Variants in PHAX observed in about 807,000 individuals in gnomAD.
PHAX encodes phosphorylated adaptor for RNA export.
PHAX carries 31 observed loss-of-function variants against 41.6 expected under a neutral mutation model. The ratio of observed to expected loss-of-function variants is 0.75; its 90% CI spans 0.56 to 1.01. PHAX has a LOEUF of 1.01. PHAX is among the 50% of genes least tolerant of loss of function. The probability of loss-of-function intolerance (pLI) is 0.00; values close to 1 mark genes in which losing one functional copy is unlikely to be tolerated. For missense variants in PHAX, 453 were observed against 472.9 expected, an observed-to-expected ratio of 0.96 and a Z score of 0.39; for synonymous variants, 175 against 164.9, an observed-to-expected ratio of 1.06 and a Z score of -0.47.
intron 3 of PHAX, among the ~76,000 whole-genome samples, chr5:126,615,935 T>C (rs1384065043): frequency 1.3e-5 from 2 of 152,072 alleles, no homozygotes; most frequent in Non-Finnish European, 2.9e-5. Context: ...TGATTTATTA[T>C]ATATATACAT....
intron 3 of PHAX, among the ~76,000 whole-genome samples, chr5:126,616,472 A>G (rs1180321862): frequency 2.6e-5 from 4 of 152,122 alleles, no homozygotes; most frequent in Non-Finnish European, 4.4e-5. Flanking sequence ...AAATACCCAT[A>G]TATATTTGGC....
chr5:126,623,391 G>A (rs1029471195), intron 4 of PHAX, among the ~76,000 whole-genome samples: 91 of 152,272 alleles, frequency 6.0e-4, no homozygotes, highest in African/African-American at 2.2e-3. Context: ...TTCCACATCT[G>A]AAAACAAGGA....
At chr5:126,601,699 C>G (rs150305531) in intron 1 of PHAX, among the ~76,000 whole-genome samples, 147 of 152,290 alleles carry the variant, frequency 9.7e-4, no homozygotes, top group Non-Finnish European at 1.6e-3. Context: ...GGTGGTCTCA[C>G]GCTGTTGCCC....
At chr5:126,622,550 C>T (rs1048286705) in intron 4 of PHAX, among the ~76,000 whole-genome samples, 17 of 144,798 alleles carry the variant, frequency 1.2e-4, no homozygotes, top group Admixed American at 5.8e-4. Context: ...ACCTCGGCCT[C>T]CTGAAATGCT....
Position 126,601,061 on chromosome 5 carries a change from G to A in PHAX, c.96+3G>A. ...GCGACAGGCCGCTGCAATTGCCAGTGAGTGTGAAAGGAGGGTGGGTGATCG... is the reference window on the plus strand; with the variant it reads ...GCGACAGGCCGCTGCAATTGCCAGTAAGTGTGAAAGGAGGGTGGGTGATCG... On this transcript the variant is annotated splice_donor_region_variant and intron_variant, in intron 1 of 4. Transcript: ENST00000297540. The A allele has an allele frequency of 6.2e-7, 1 of 1,601,540 alleles. No individual in the cohort carries two copies. The highest frequency in any genetic ancestry group is 8.5e-7 in the Non-Finnish European group (1 of 1,172,472).
In PHAX at chr5:126,626,105, C is replaced by T. The variant is rs1161554611; in HGVS notation, c.*1261C>T. 1 of 151,836 alleles carries T rather than the reference C, an allele frequency of 6.6e-6. No individual in the cohort carries two copies. Among genetic ancestry groups the T allele is most frequent in the African/African-American group, 2.4e-5 (1 of 41,232 alleles). The allele number at this position is 151,836 out of a possible 1,614,324, so 9.4% of individuals were successfully genotyped here. On this transcript the variant is annotated 3_prime_UTR_variant, in exon 5 of 5. Coordinates refer to ENST00000297540, the MANE Select transcript of PHAX (RefSeq NM_032177.4). Reference sequence around the variant, plus strand: ...GCATTAAAAAATTTTTCAAGCTGGGCCTAGTGGCGCACACCTGCAATCCCA... The same window carrying T: ...GCATTAAAAAATTTTTCAAGCTGGGTCTAGTGGCGCACACCTGCAATCCCA...
intron 3 of PHAX, among the ~76,000 whole-genome samples, chr5:126,612,330 A>G (rs1409652874): frequency 6.6e-6 from 1 of 152,136 alleles, no homozygotes; most frequent in Non-Finnish European, 1.5e-5. Context: ...TCTAGTGGGA[A>G]CTTGTTTGCC....
At chr5:126,617,452 T>C (rs6883308) in intron 4 of PHAX, 119 bp downstream of exon 4, 121,793 of 562,932 alleles carry the variant, frequency 0.22, 16,392 homozygotes, top group African/African-American at 0.44. Context: ...GATTTTGTTA[T>C]TATCTTAAGT....
intron 3 of PHAX, among the ~76,000 whole-genome samples, chr5:126,614,828 C>T (rs1413437775): frequency 6.6e-6 from 1 of 152,090 alleles, no homozygotes; most frequent in African/African-American, 2.4e-5. Context: ...GCGATCTCGG[C>T]TTACTGCAAC....
At position 126,600,981 on chromosome 5, in the gene PHAX, G is replaced by C; in HGVS notation, c.19G>C (p.Asp7His). MALEVG[D>H]MEDGQLSDSD... The stretch of plus-strand genomic sequence containing the variant: ...CGGGAAGATGGCGTTGGAGGTCGGC[G>C]ATATGGAAGATGGGCAGCTTTCCGA... The change falls in exon 1 of 5, where the codon GAT (aspartate) becomes CAT (histidine). Residue 7 changes from aspartate to histidine, a missense_variant. Coordinates refer to ENST00000297540, the MANE Select transcript of PHAX (RefSeq NM_032177.4). 6.2e-7 allele frequency: 1 copy of C among 1,604,362 alleles called. No homozygotes were observed. The highest frequency in any genetic ancestry group is 8.5e-7 in the Non-Finnish European group (1 of 1,175,576).
chr5:126,624,663 A>G lies in PHAX; in HGVS notation c.1004A>G (p.Lys335Arg). The change falls in exon 5 of 5, where the codon AAA (lysine) becomes AGA (arginine). Residue 335 changes from lysine to arginine, a missense_variant. Coordinates refer to ENST00000297540, the MANE Select transcript of PHAX (RefSeq NM_032177.4). ...RRTQVLGKKM[K>R]QAIKSLNFQE... ...ACACAAGTGTTGGGGAAAAAGATGA[A>G]ACAAGCTATTAAAAGTCTAAATTTT... 6.2e-7 allele frequency: 1 copy of G among 1,614,070 alleles called. No homozygotes were observed. The highest frequency in any genetic ancestry group is 8.5e-7 in the Non-Finnish European group (1 of 1,179,930).
chr5:126,603,650 T>C lies in PHAX; in HGVS notation c.177T>C (p.Ala59=). 1 of 1,614,198 alleles carries C rather than the reference T, an allele frequency of 6.2e-7. No homozygotes were observed. The highest frequency in any genetic ancestry group is 2.2e-5 in the East Asian group (1 of 44,888). The change falls in exon 2 of 5, where the codon GCT becomes GCC. Residue 59 remains alanine (A), a synonymous_variant. Transcript: ENST00000297540. Reference sequence around the variant, plus strand: ...GTGCACCAGTATCACATTATCGAGCTGTTGAAAGTGTGGATTCAAGTGAAG... The same window carrying C: ...GTGCACCAGTATCACATTATCGAGCCGTTGAAAGTGTGGATTCAAGTGAAG... ...TACAPVSHYR[A]VESVDSSEES... is the part of the protein sequence containing the mutation.
chr5:126,607,858 G>A (rs1249943116), intron 2 of PHAX, among the ~76,000 whole-genome samples: 1 of 152,116 alleles, frequency 6.6e-6, no homozygotes, highest in Non-Finnish European at 1.5e-5. Flanking sequence ...AGGTTCTTAG[G>A]ATTGTGCTTA....
chr5:126,610,210 T>C (rs1028803691), intron 3 of PHAX, among the ~76,000 whole-genome samples: 1 of 152,244 alleles, frequency 6.6e-6, no homozygotes, highest in Non-Finnish European at 1.5e-5. Context: ...CTCTTTACTG[T>C]TTCAGAATGA....
chr5:126,605,256 G>A (rs1751970993), intron 2 of PHAX, among the ~76,000 whole-genome samples: 1 of 151,908 alleles, frequency 6.6e-6, no homozygotes, highest in African/African-American at 2.4e-5. Flanking sequence ...TGAACTCCTG[G>A]GCTTAAGCAA....
Position 126,603,848 on chromosome 5 carries a change from G to T in PHAX, c.375G>T (p.Gln125His). The T allele has an allele frequency of 6.2e-7, 1 of 1,614,112 alleles. No homozygotes were observed. Among genetic ancestry groups the T allele is most frequent in the Non-Finnish European group, 8.5e-7 (1 of 1,180,030 alleles). The change falls in exon 2 of 5, where the codon CAG becomes CAT. Residue 125 changes from glutamine (Q) to histidine (H), a missense_variant. By Grantham distance (24) the Gln-to-His change is conservative. Coordinates refer to ENST00000297540, the MANE Select transcript of PHAX (RefSeq NM_032177.4). Reference sequence around the variant, plus strand: ...TATGGGGTGCTGTGCTGCAGGAACAGAATCAAGATGCAGTGGCCACTGAAC... The same window carrying T: ...TATGGGGTGCTGTGCTGCAGGAACATAATCAAGATGCAGTGGCCACTGAAC... ...NNIWGAVLQE[Q>H]NQDAVATELG...
intron 2 of PHAX, among the ~76,000 whole-genome samples, chr5:126,607,979 T>C (rs1341773119): frequency 6.6e-6 from 1 of 152,202 alleles, no homozygotes; most frequent in Non-Finnish European, 1.5e-5. Context: ...CAGACATCTC[T>C]GGAATTATGT....
intron 3 of PHAX, among the ~76,000 whole-genome samples, chr5:126,611,147 C>A (rs1193316219): frequency 6.6e-6 from 1 of 151,934 alleles, no homozygotes; most frequent in East Asian, 1.9e-4. Context: ...CCTCTGCCTC[C>A]CGGGTTCAAG....
At chr5:126,611,805 A>G (rs1331215149) in intron 3 of PHAX, among the ~76,000 whole-genome samples, 1 of 151,866 alleles carries the variant, frequency 6.6e-6, no homozygotes, top group African/African-American at 2.4e-5. Context: ...AAAAAAAAAA[A>G]GTGATACATC....
Sources: gnomAD v4.1 joint callset for allele counts (sites outside exome capture counted in the v4.1 genomes callset) on GRCh38, gnomAD v4.1.1 for gene constraint, MANE v1.5 for transcripts, NCBI Gene and HGNC (gene_info 2026-07-23, HGNC 2026-07-21) for gene names.